ERC2: variants seen among roughly 807,000 people sequenced by gnomAD.
The protein encoded by ERC2 is ERC protein 2.
ERC2 carries 42 observed loss-of-function variants against 114.8 expected under a neutral mutation model. That is an observed-to-expected ratio of 0.37 (90% CI 0.29 to 0.47). The LOEUF (loss-of-function observed/expected upper bound fraction) is 0.47. Among genes scored for constraint, ERC2 ranks in the 20% least tolerant of loss-of-function variants. ERC2 has a pLI of 0.99. For missense variants in ERC2, 939 were observed against 1,150.7 expected, an observed-to-expected ratio of 0.82 and a Z score of 2.66; for synonymous variants, 454 against 425.5, an observed-to-expected ratio of 1.07 and a Z score of -0.82.
At chr3:56,132,618 C>T (rs1228319298) in intron 6 of ERC2, among the ~76,000 whole-genome samples, 8 of 152,120 alleles carry the variant, frequency 5.3e-5, no homozygotes, top group Non-Finnish European at 1.0e-4. Flanking sequence ...GCCTGGGCGA[C>T]AGAGCGAGAC....
At position 56,060,565 on chromosome 3, in the gene ERC2, A is replaced by C. The variant is rs2076204984; in HGVS notation, c.1641+20252T>G. ...TCTAACAACCCACAGGGTGCCCCAT[A>C]CCCAACAGGTGCTTCATAAAGGCTA... On this transcript the variant is annotated intron_variant, in intron 7 of 17. Coordinates refer to ENST00000288221, the MANE Select transcript of ERC2 (RefSeq NM_015576.3). 3.3e-5 allele frequency among the ~76,000 whole-genome samples: 5 copies of C among 152,296 alleles called. No individual in the cohort carries two copies. The East Asian group carries it at 5.8e-4, about 18-fold the overall frequency.
intron 17 of ERC2, among the ~76,000 whole-genome samples, chr3:55,541,979 G>A (rs974021537): frequency 6.6e-6 from 1 of 152,162 alleles, no homozygotes; most frequent in African/African-American, 2.4e-5. Flanking sequence ...CATTTTCCAA[G>A]CGCTGTGAAA....
chr3:56,130,374 G>A (rs1264307299), intron 6 of ERC2, among the ~76,000 whole-genome samples: 1 of 152,108 alleles, frequency 6.6e-6, no homozygotes, highest in Non-Finnish European at 1.5e-5. Flanking sequence ...TCAGTTACCG[G>A]GCAGACAATG....
chr3:56,009,951 C>G (rs1347550122), intron 9 of ERC2, among the ~76,000 whole-genome samples: 1 of 152,134 alleles, frequency 6.6e-6, no homozygotes, highest in Non-Finnish European at 1.5e-5. Flanking sequence ...AGAAGAGCAG[C>G]CACACTTAAG....
At chr3:56,272,616 A>G (rs2053726834) in intron 3 of ERC2, among the ~76,000 whole-genome samples, 2 of 152,224 alleles carry the variant, frequency 1.3e-5, no homozygotes, top group African/African-American at 2.4e-5. Context: ...CTAAAAATAT[A>G]AAAATTAGCC....
rs537738331 is a variant in ERC2 at position 55,591,467 on chromosome 3, A to G, written c.*40-80191T>C. On this transcript the variant is annotated intron_variant, in intron 17 of 17. Transcript: ENST00000288221. Reference sequence around the variant, plus strand: ...AACTGAGTCACACATTTTGTTTTCCACATGCGGACACTGAGACCCAGGGCG... The same window carrying G: ...AACTGAGTCACACATTTTGTTTTCCGCATGCGGACACTGAGACCCAGGGCG... Among the ~76,000 whole-genome samples the G allele has an allele frequency of 8.8e-4, 134 of 152,224 alleles. 1 individual carries two copies. The highest frequency in any genetic ancestry group is 3.1e-3 in the African/African-American group (127 of 41,530).
intron 6 of ERC2, among the ~76,000 whole-genome samples, chr3:56,136,560 T>C (rs1470566793): frequency 6.6e-6 from 1 of 152,138 alleles, no homozygotes; most frequent in Non-Finnish European, 1.5e-5. Context: ...TAGGGCATAA[T>C]GAAACACAAC....
At chr3:56,163,390 C>T (rs909252202) in intron 4 of ERC2, among the ~76,000 whole-genome samples, 7 of 151,908 alleles carry the variant, frequency 4.6e-5, no homozygotes, top group African/African-American at 1.7e-4. Flanking sequence ...TCCAATTGGT[C>T]AAGTGTTGTG....
chr3:56,116,567 G>T (rs1442752929), intron 6 of ERC2, among the ~76,000 whole-genome samples: 1 of 152,110 alleles, frequency 6.6e-6, no homozygotes, highest in African/African-American at 2.4e-5. Context: ...ATAAAGTCAG[G>T]CTCTTCACAT....
chr3:55,756,002 G>A (rs1003890872), intron 14 of ERC2, among the ~76,000 whole-genome samples: 1 of 151,936 alleles, frequency 6.6e-6, no homozygotes, highest in African/African-American at 2.4e-5. Context: ...TCTAAACTCG[G>A]GGCCAGACAC....
chr3:56,084,927 A>T (rs953111463), intron 6 of ERC2, among the ~76,000 whole-genome samples: 2 of 151,904 alleles, frequency 1.3e-5, no homozygotes, highest in African/African-American at 4.8e-5. Flanking sequence ...AGAAAAAAAA[A>T]GTCAATAGGA....
intron 14 of ERC2, among the ~76,000 whole-genome samples, chr3:55,804,632 A>T (rs375332031): frequency 1.3e-5 from 2 of 152,158 alleles, no homozygotes; most frequent in Non-Finnish European, 2.9e-5. Context: ...CCAGGACTCT[A>T]ATCAGGAGAT....
chr3:55,942,262 CTTTCTTTT>C (rs1559906439), intron 13 of ERC2, among the ~76,000 whole-genome samples: 3 of 82,508 alleles, frequency 3.6e-5, no homozygotes, highest in African/African-American at 1.6e-4. Context: ...GTCTAAGGTC[CTTTCTTTT>C]TTTTTTTTTT....
intron 6 of ERC2, among the ~76,000 whole-genome samples, chr3:56,087,513 A>G (rs537954710): frequency 6.6e-6 from 1 of 152,292 alleles, no homozygotes; most frequent in Non-Finnish European, 1.5e-5. Flanking sequence ...GTGACAAAAC[A>G]CTAAGTGCTA....
chr3:56,115,005 G>A (rs889087320), intron 6 of ERC2, among the ~76,000 whole-genome samples: 6 of 152,098 alleles, frequency 3.9e-5, no homozygotes, highest in African/African-American at 1.4e-4. Flanking sequence ...TCCTTGTATG[G>A]ATAACAACAC....
intron 6 of ERC2, among the ~76,000 whole-genome samples, chr3:56,085,288 C>T (rs1415106809): frequency 3.3e-5 from 5 of 152,178 alleles, no homozygotes; most frequent in African/African-American, 1.2e-4. Flanking sequence ...TTTCCAGTTT[C>T]TGCTCCAGTG....
intron 17 of ERC2, among the ~76,000 whole-genome samples, chr3:55,555,520 C>T (rs536946649): frequency 1.1e-4 from 16 of 152,238 alleles, no homozygotes; most frequent in South Asian, 6.2e-4. Context: ...GGGTCACAGA[C>T]GTCTCAGAAA....
At chr3:55,780,193 C>G (rs1005564972) in intron 14 of ERC2, among the ~76,000 whole-genome samples, 1 of 151,984 alleles carries the variant, frequency 6.6e-6, no homozygotes, top group African/African-American at 2.4e-5. Flanking sequence ...AACAATAAGA[C>G]AAGGAAAACA....
chr3:56,037,025 A>G (rs1182972086), intron 7 of ERC2, among the ~76,000 whole-genome samples: 1 of 152,206 alleles, frequency 6.6e-6, no homozygotes, highest in Non-Finnish European at 1.5e-5. Flanking sequence ...AAGCCCCTAC[A>G]AAAACCCCAT....
Sources: gnomAD v4.1 joint callset for allele counts (sites outside exome capture counted in the v4.1 genomes callset) on GRCh38, gnomAD v4.1.1 for gene constraint, MANE v1.5 for transcripts, NCBI Gene and HGNC (gene_info 2026-07-23, HGNC 2026-07-21) for gene names.